Variants in PRRC2B observed in about 807,000 individuals in gnomAD.
The protein encoded by PRRC2B is proline rich coiled-coil 2B, also known as protein PRRC2B.
Under a neutral mutation model 242.3 loss-of-function variants are expected in PRRC2B, and 68 were observed. The observed-to-expected ratio is 0.28, with a 90% CI of 0.23 to 0.34. The LOEUF (loss-of-function observed/expected upper bound fraction) is 0.34. Ranked by LOEUF, PRRC2B falls within the 10% of genes least tolerant of loss-of-function variation. PRRC2B has a pLI of 1.00. For missense variants in PRRC2B, 2,835 were observed against 2,954.8 expected (o/e 0.96, Z 0.94); for synonymous variants, 1,228 against 1,173.6 (o/e 1.05, Z -0.95).
chr9:131,467,456 G>T, intron 12 of PRRC2B, 107 bp from the exon 13 acceptor site: 1 of 977,732 alleles, frequency 1.0e-6, no homozygotes. Flanking sequence ...GACTGTTCTA[G>T]CAGTGGAGCG....
In PRRC2B at chr9:131,474,894, C is replaced by G. The variant is rs367724272; in HGVS notation, c.2765C>G (p.Pro922Arg). ...PSSEPEWTPE[P>R]RSSSSQHPEQ... ...TCGGAGCCTGAATGGACTCCCGAGCCCCGGAGCTCCAGCAGCCAGCACCCG... is the reference window on the plus strand; with the variant it reads ...TCGGAGCCTGAATGGACTCCCGAGCGCCGGAGCTCCAGCAGCCAGCACCCG... The change falls in exon 16 of 32, where the codon CCC (proline) becomes CGC (arginine). Residue 922 changes from proline (P) to arginine (R), a missense_variant. By Grantham distance (103) the Pro-to-Arg change is moderately radical. Transcript: ENST00000683519. 6.3e-7 allele frequency: 1 copy of G among 1,595,296 alleles called. No individual in the cohort carries two copies. Among genetic ancestry groups the G allele is most frequent in the Non-Finnish European group, 8.5e-7 (1 of 1,171,634 alleles).
chr9:131,388,445 G>A (rs1172729181), intron 1 of PRRC2B, among the ~76,000 whole-genome samples: 3 of 149,542 alleles, frequency 2.0e-5, no homozygotes, highest in African/African-American at 7.3e-5. Flanking sequence ...TCACCATGTT[G>A]GTCAGGCTGG....
chr9:131,407,655 C>T (rs1837400505), intron 1 of PRRC2B, among the ~76,000 whole-genome samples: 1 of 152,134 alleles, frequency 6.6e-6, no homozygotes, highest in South Asian at 2.1e-4. Flanking sequence ...ACCAACCCAG[C>T]CCTTTTAGCT....
chr9:131,418,454 C>T (rs1431431638), intron 1 of PRRC2B, among the ~76,000 whole-genome samples: 1 of 151,840 alleles, frequency 6.6e-6, no homozygotes, highest in Non-Finnish European at 1.5e-5. Flanking sequence ...GTTTTTTTTA[C>T]CCCCCTGTGT....
Position 131,436,735 on chromosome 9 carries a change from AC to A in PRRC2B, c.396+17del, listed in dbSNP as rs1564283673. The A allele has an allele frequency of 6.2e-7, 1 of 1,602,864 alleles. No homozygotes were observed. The highest frequency in any genetic ancestry group is 8.5e-7 in the Non-Finnish European group (1 of 1,170,874). ...AATCAGTCAGGAGGTAGGTGCTGGGACCCCATCCCAACTGTTTCCTGGGCAT... is the reference window on the plus strand; with the variant it reads ...AATCAGTCAGGAGGTAGGTGCTGGGACCCATCCCAACTGTTTCCTGGGCAT... On this transcript the variant is annotated intron_variant, in intron 4 of 31. Transcript: ENST00000683519.
At chr9:131,433,239 A>G (rs568248089) in intron 3 of PRRC2B, among the ~76,000 whole-genome samples, 3 of 152,226 alleles carry the variant, frequency 2.0e-5, no homozygotes, top group East Asian at 1.9e-4. Flanking sequence ...TTCCCTAACC[A>G]TCGGCCCAGC....
rs973277224 is a variant in PRRC2B at position 131,412,233 on chromosome 9, C to T, written c.-51-17861C>T. Among the ~76,000 whole-genome samples, 3 of 152,292 alleles carry T rather than the reference C, an allele frequency of 2.0e-5. No individual in the cohort carries two copies. The South Asian group carries it at 6.2e-4, about 32-fold the overall frequency. On this transcript the variant is annotated intron_variant, in intron 1 of 31. Transcript: ENST00000683519. ...GCTTCTGTTTGTTCTAATGTTTGTA[C>T]TTTCATTGTGGGTGGTCCTCTTGGC...
chr9:131,464,468 G>GC (rs576779379), intron 11 of PRRC2B, among the ~76,000 whole-genome samples: 254 of 152,296 alleles, frequency 1.7e-3, no homozygotes, highest in Non-Finnish European at 2.1e-3. Context: ...TGTGCGGGTC[G>GC]CATGTTGCTT....
intron 25 of PRRC2B, chr9:131,485,759 G>A: frequency 1.6e-6 from 1 of 612,606 alleles, no homozygotes; most frequent in Non-Finnish European, 3.1e-6. Context: ...GACCAAGGCA[G>A]CCCTGGTTAA....
chr9:131,421,427 T>C (rs1488605862), intron 1 of PRRC2B, among the ~76,000 whole-genome samples: 2 of 152,244 alleles, frequency 1.3e-5, no homozygotes, highest in Non-Finnish European at 2.9e-5. Flanking sequence ...ACAAGTAAAC[T>C]GTCCAGTGGC....
In PRRC2B at chr9:131,475,916, C is replaced by G; in HGVS notation, c.3787C>G (p.Pro1263Ala). 2 of 1,613,924 alleles carry G rather than the reference C, an allele frequency of 1.2e-6. No homozygotes were observed. The highest frequency in any genetic ancestry group is 1.7e-6 in the Non-Finnish European group (2 of 1,179,846). Residue 1263 changes from proline to alanine, a missense_variant, in exon 16 of 32, where the codon CCT (proline) becomes GCT (alanine). Coordinates refer to ENST00000683519, the MANE Select transcript of PRRC2B (RefSeq NM_013318.4). ...RDYVPDSYRH[P>A]DAFGGRGFED... ...CTATGTCCCAGATTCCTACAGACAC[C>G]CTGACGCATTTGGTGGCCGGGGCTT... is the stretch of plus-strand genomic sequence containing the variant.
intron 13 of PRRC2B, among the ~76,000 whole-genome samples, chr9:131,470,427 T>C (rs1482120125): frequency 6.6e-6 from 1 of 152,106 alleles, no homozygotes; most frequent in Non-Finnish European, 1.5e-5. Context: ...CCTCAGATGG[T>C]AGCTGCAGAC....
At chr9:131,481,854 G>A (rs1338839794) in intron 20 of PRRC2B, 46 bp downstream of exon 20, 2 of 1,497,600 alleles carry the variant, frequency 1.3e-6, no homozygotes, top group African/African-American at 1.4e-5. Flanking sequence ...ATGAGTGTGT[G>A]AGTGTGTGCT....
chr9:131,481,757 C>T lies in PRRC2B; in HGVS notation c.4932C>T (p.Ser1644=). 1.3e-6 allele frequency: 2 copies of T among 1,566,732 alleles called. No individual in the cohort carries two copies. The highest frequency in any genetic ancestry group is 8.6e-7 in the Non-Finnish European group (1 of 1,156,604). Residue 1644 remains serine, a synonymous_variant, in exon 20 of 32, where the codon TCC becomes TCT. Transcript: ENST00000683519. ...ALPVQAPAND[S]WRKAVTAFSS... Reference sequence around the variant, plus strand: ...CTGTGCAGGCCCCAGCCAACGACTCCTGGAGGAAAGCTGTCACTGCCTTCA... The same window carrying T: ...CTGTGCAGGCCCCAGCCAACGACTCTTGGAGGAAAGCTGTCACTGCCTTCA...
intron 6 of PRRC2B, among the ~76,000 whole-genome samples, chr9:131,444,726 A>G (rs1838731813): frequency 6.6e-6 from 1 of 152,122 alleles, no homozygotes; most frequent in African/African-American, 2.4e-5. Flanking sequence ...TCTGATTTCC[A>G]GTCCTCCCCT....
Position 131,475,015 on chromosome 9 carries a change from T to A in PRRC2B, c.2886T>A (p.Ile962=). 6.2e-7 allele frequency: 1 copy of A among 1,605,202 alleles called. No homozygotes were observed. Among genetic ancestry groups the A allele is most frequent in the Non-Finnish European group, 8.5e-7 (1 of 1,175,912 alleles). The part of the protein sequence containing the change: ...VEDKEKELEK[I]KQELGEESTR... ...ACAAGGAGAAGGAGCTTGAGAAGAT[T>A]AAGCAGGAGCTAGGGGAGGAGAGTA... Residue 962 remains isoleucine, a synonymous_variant, in exon 16 of 32, where the codon ATT becomes ATA. Transcript: ENST00000683519.
intron 1 of PRRC2B, among the ~76,000 whole-genome samples, chr9:131,410,553 G>A (rs1206233263): frequency 1.3e-5 from 2 of 152,222 alleles, no homozygotes; most frequent in African/African-American, 4.8e-5. Flanking sequence ...ACATCACCCC[G>A]GGTTCAGGTT....
chr9:131,486,139 G>T lies in PRRC2B; in HGVS notation c.5813G>T (p.Arg1938Leu), dbSNP rs747822258. 1 of 1,613,022 alleles carries T rather than the reference G, an allele frequency of 6.2e-7. No homozygotes were observed. The highest frequency in any genetic ancestry group is 8.5e-7 in the Non-Finnish European group (1 of 1,179,498). The change falls in exon 26 of 32, where the codon CGG (arginine) becomes CTG (leucine). Residue 1938 changes from arginine (R) to leucine (L), a missense_variant. Physicochemically the swap from Arg to Leu is moderately radical, Grantham distance 102. Coordinates refer to ENST00000683519, the MANE Select transcript of PRRC2B (RefSeq NM_013318.4). The stretch of plus-strand genomic sequence containing the variant: ...GGCCATGTGTTTGCAAGTCAGCCCC[G>T]GCTGGTTCCTCAAACGATACCTCAG... ...LDGHVFASQP[R>L]LVPQTIPQQQ...
intron 10 of PRRC2B, among the ~76,000 whole-genome samples, chr9:131,457,229 A>T (rs1486264485): frequency 6.6e-6 from 1 of 152,220 alleles, no homozygotes; most frequent in Non-Finnish European, 1.5e-5. Context: ...TGCAGTCGGG[A>T]CATACCTATG....
Sources: gnomAD v4.1 joint callset for allele counts (sites outside exome capture counted in the v4.1 genomes callset) on GRCh38, gnomAD v4.1.1 for gene constraint, MANE v1.5 for transcripts, NCBI Gene and HGNC (gene_info 2026-07-23, HGNC 2026-07-21) for gene names.